The following RELL1 variants were observed in gnomAD, a reference collection of about 807,000 sequenced individuals.
RELL1 encodes RELT-like protein 1.
Under a neutral mutation model 23.0 loss-of-function variants are expected in RELL1, and 10 were observed. The observed-to-expected ratio is 0.43, with a 90% CI of 0.27 to 0.74. The LOEUF is 0.74. Among genes scored for constraint, RELL1 ranks in the 30% least tolerant of loss-of-function variants. RELL1 has a pLI of 0.19. For synonymous variants in RELL1, 146 were observed against 146.8 expected (o/e 0.99, Z 0.04); for missense variants, 315 against 364.4 (o/e 0.86, Z 1.10).
rs1179899027 is a variant in RELL1, at chr4:37,686,202, G to A, written c.86C>T (p.Pro29Leu). The A allele has an allele frequency of 1.3e-6, 2 of 1,579,380 alleles. No individual in the cohort carries two copies. Among genetic ancestry groups the A allele is most frequent in the Non-Finnish European group, 1.7e-6 (2 of 1,170,924 alleles). ...GGAVSSPLVA[P>L]DNGSSRTLHS... is the part of the protein sequence containing the mutation. ...CCCGGCTACGACCGGACACTCACCC[G>A]GAGCCACCAGCGGCGAACTCACGGC... Residue 29 changes from proline to leucine, a missense_variant and splice_region_variant, in exon 1 of 7, where the codon CCG becomes CTG. Coordinates refer to ENST00000454158, the MANE Select transcript of RELL1 (RefSeq NM_001085400.2).
At chr4:37,653,067 A>G (rs914635847) in intron 1 of RELL1, among the ~76,000 whole-genome samples, 2 of 152,150 alleles carry the variant, frequency 1.3e-5, no homozygotes, top group East Asian at 1.9e-4. Flanking sequence ...TCAGACCCCA[A>G]TTTACTATGC....
downstream of RELL1, among the ~76,000 whole-genome samples, chr4:37,610,549 A>G (rs1035299378): frequency 1.3e-5 from 2 of 152,138 alleles, no homozygotes; most frequent in Admixed American, 1.3e-4. This position sits in a 1 kb window ranked among gnomAD's most constrained non-coding sequence, Gnocchi z 4.1. Flanking sequence ...GCACTGTAAA[A>G]AATTAAGCTC....
intron 5 of RELL1, among the ~76,000 whole-genome samples, chr4:37,632,345 A>G (rs1243092783): frequency 6.6e-6 from 1 of 151,544 alleles, no homozygotes; most frequent in Non-Finnish European, 1.5e-5. Context: ...CTAATTTTGT[A>G]TTTTTAGTAG....
chr4:37,601,376 G>A (rs2109486703), intron 6 of RELL1, among the ~76,000 whole-genome samples: 1 of 152,246 alleles, frequency 6.6e-6, no homozygotes, highest in East Asian at 1.9e-4. Context: ...GACTGTGCCT[G>A]GCCTGTACTA....
intron 1 of RELL1, 64 bp downstream of exon 1, chr4:37,686,136 C>G: frequency 7.1e-7 from 1 of 1,412,560 alleles, no homozygotes; most frequent in Non-Finnish European, 9.6e-7. Flanking sequence ...CGACCCCTCG[C>G]TTCCTTCCGC....
intron 1 of RELL1, among the ~76,000 whole-genome samples, chr4:37,668,360 C>T (rs1281017040): frequency 1.3e-5 from 2 of 152,220 alleles, no homozygotes; most frequent in East Asian, 3.9e-4. Flanking sequence ...CGATTGTAGG[C>T]CCGCGCCGCC....
At chr4:37,605,795 G>GAGAGAGAGAAAGAA (rs1560324622), downstream of RELL1, among the ~76,000 whole-genome samples, 2 of 76,688 alleles carry the variant, frequency 2.6e-5, no homozygotes, top group East Asian at 6.3e-4. Context: ...GAAAGAAAGA[G>GAGAGAGAGAAAGAA]AAAGAAAGAA....
At chr4:37,660,838 T>C (rs1489327809) in intron 1 of RELL1, among the ~76,000 whole-genome samples, 2 of 152,240 alleles carry the variant, frequency 1.3e-5, no homozygotes, top group Non-Finnish European at 2.9e-5. Context: ...AAGACCATCC[T>C]GGCTAACACG....
downstream of RELL1, among the ~76,000 whole-genome samples, chr4:37,609,476 A>G (rs1719311431): frequency 6.6e-6 from 1 of 152,234 alleles, no homozygotes; most frequent in Non-Finnish European, 1.5e-5. Context: ...CAGCCCATAG[A>G]TTAATTCCCA....
intron 6 of RELL1, among the ~76,000 whole-genome samples, chr4:37,596,223 T>A (rs1318931292): frequency 6.6e-6 from 1 of 152,198 alleles, no homozygotes; most frequent in Non-Finnish European, 1.5e-5. Flanking sequence ...TTCTCATCTG[T>A]GAAATGGGGA....
chr4:37,664,001 G>C (rs1277611872), intron 1 of RELL1, among the ~76,000 whole-genome samples: 2 of 152,192 alleles, frequency 1.3e-5, no homozygotes, highest in Non-Finnish European at 2.9e-5. Flanking sequence ...GAAGTCAGCT[G>C]TAGGTGAATG....
intron 6 of RELL1, among the ~76,000 whole-genome samples, chr4:37,605,324 C>T (rs1400928864): frequency 1.3e-5 from 2 of 152,174 alleles, no homozygotes; most frequent in Non-Finnish European, 2.9e-5. Flanking sequence ...ACACCTAGTC[C>T]TCTTTATTTC....
At chr4:37,626,719 T>A (rs928290441) in intron 6 of RELL1, among the ~76,000 whole-genome samples, 4 of 151,764 alleles carry the variant, frequency 2.6e-5, no homozygotes, top group Non-Finnish European at 5.9e-5. Flanking sequence ...AAGAAGGAAA[T>A]CCTGTCATTG....
intron 1 of RELL1, among the ~76,000 whole-genome samples, chr4:37,662,199 C>T (rs1279365562): frequency 6.6e-6 from 1 of 152,102 alleles, no homozygotes; most frequent in Non-Finnish European, 1.5e-5. Flanking sequence ...GCTATAAATC[C>T]TTATTTTCAG....
intron 5 of RELL1, among the ~76,000 whole-genome samples, chr4:37,634,112 C>T (rs1304301971): frequency 1.3e-5 from 2 of 152,246 alleles, no homozygotes; most frequent in Non-Finnish European, 2.9e-5. Flanking sequence ...AAGCATCCCA[C>T]TGCAAAGATG....
At chr4:37,609,586 C>T (rs1321975445), downstream of RELL1, among the ~76,000 whole-genome samples, 1 of 152,178 alleles carries the variant, frequency 6.6e-6, no homozygotes, top group Non-Finnish European at 1.5e-5. Flanking sequence ...TTGAAATCTT[C>T]TGGAAGGAAT....
Position 37,604,896 on chromosome 4 carries a change from C to G in RELL1, c.*4-13679G>C, listed in dbSNP as rs1432566553. On this transcript the variant is annotated intron_variant, in intron 6 of 6. Coordinates refer to the RELL1 transcript ENST00000314117. ...ACACACACATACACACAGACACACA[C>G]ACAGACACACACACACACACACAGA... Among the ~76,000 whole-genome samples the G allele has an allele frequency of 2.1e-4, 15 of 71,680 alleles. 1 individual carries two copies. The highest frequency in any genetic ancestry group is 4.9e-4 in the South Asian group (1 of 2,056). 47.0% of individuals were successfully genotyped at this position (71,680 alleles called of 152,430 possible).
At position 37,634,880 on chromosome 4, in the gene RELL1, A is replaced by G. The variant is rs1468368475; in HGVS notation, c.680+7T>C. ...ACACAAACCAAAAGCATCTGAAGGG[A>G]TCTTACCTGCCAACAGAAAGGACCG... On this transcript the variant is annotated splice_region_variant and intron_variant, in intron 5 of 6. Coordinates refer to ENST00000454158, the MANE Select transcript of RELL1 (RefSeq NM_001085400.2). The G allele has an allele frequency of 8.7e-6, 14 of 1,613,558 alleles. No homozygotes were observed. The highest frequency in any genetic ancestry group is 1.2e-5 in the Non-Finnish European group (14 of 1,179,550).
chr4:37,670,689 G>A (rs941435296), intron 1 of RELL1, among the ~76,000 whole-genome samples: 1 of 151,544 alleles, frequency 6.6e-6, no homozygotes. Context: ...TCCTGTCTCA[G>A]CCTCCCAAGT....
Sources: gnomAD v4.1 joint callset for allele counts (sites outside exome capture counted in the v4.1 genomes callset) on GRCh38, gnomAD v4.1.1 for gene constraint, Gnocchi (gnomAD v3.1) non-coding constraint, MANE v1.5 for transcripts, NCBI Gene and HGNC (gene_info 2026-07-23, HGNC 2026-07-21) for gene names.